The following EPHA8 variants were observed in gnomAD, a reference collection of about 807,000 sequenced individuals.
The protein encoded by EPHA8 is ephrin type-A receptor 8.
In EPHA8, 58 loss-of-function variants were observed where a neutral mutation model predicts 103.6. The ratio of observed to expected loss-of-function variants is 0.56; its 90% CI spans 0.45 to 0.70. EPHA8 has a LOEUF of 0.70. EPHA8 is among the 30% of genes least tolerant of loss of function. EPHA8 has a pLI of 0.00. For synonymous variants in EPHA8, 559 were observed against 572.5 expected (o/e 0.98, Z 0.34); for missense variants, 1,304 against 1,395.2 (o/e 0.93, Z 1.04).
chr1:22,574,457 C>T (rs1296466357), intron 2 of EPHA8, among the ~76,000 whole-genome samples: 1 of 152,234 alleles, frequency 6.6e-6, no homozygotes, highest in Non-Finnish European at 1.5e-5. Flanking sequence ...ACTCCACACC[C>T]TTAAACAGTA....
At chr1:22,587,403 G>A (rs979681974) in intron 4 of EPHA8, among the ~76,000 whole-genome samples, 37 of 152,324 alleles carry the variant, frequency 2.4e-4, no homozygotes, top group African/African-American at 1.7e-4. Flanking sequence ...GTGTGTGTGC[G>A]TGTGCACACC....
chr1:22,577,832 G>C (rs796854353), intron 3 of EPHA8, among the ~76,000 whole-genome samples: 7 of 136,432 alleles, frequency 5.1e-5, no homozygotes, highest in Admixed American at 2.1e-4. Context: ...GCATGTGTGC[G>C]TGTGTGCATG....
Position 22,589,412 on chromosome 1 carries a change from T to C in EPHA8, c.1315+206T>C, listed in dbSNP as rs749227683. 6.7e-7 allele frequency: 1 copy of C among 1,503,314 alleles called. No homozygotes were observed. The highest frequency in any genetic ancestry group is 8.8e-7 in the Non-Finnish European group (1 of 1,133,066). 93.1% of individuals were successfully genotyped at this position (1,503,314 alleles called of 1,614,324 possible). ...GAACACATTCTATAAGTAAGAGAAA[T>C]CCCAAAAGCTCAGAGGCAGGCTAGT... On this transcript the variant is annotated intron_variant, in intron 5 of 16. Coordinates refer to ENST00000166244, the MANE Select transcript of EPHA8 (RefSeq NM_020526.5). The surrounding 1 kb of genome is among the most constrained non-coding windows in gnomAD (Gnocchi z 4.3).
rs765845041 is a variant in EPHA8, at chr1:22,597,512, G to GGGGCAAGGTGGGGGCACCCA, written c.1930+62_1930+81dup. On this transcript the variant is annotated intron_variant, in intron 10 of 16. Coordinates refer to ENST00000166244, the MANE Select transcript of EPHA8 (RefSeq NM_020526.5). This position sits in a 1 kb window ranked among gnomAD's most constrained non-coding sequence, Gnocchi z 4.6. Reference sequence around the variant, plus strand: ...GGGGTTGTGAGGGCGGGGCCAGCATGGGGCAAGGTGGGGGCACCCAGGGCA... The same window carrying GGGGCAAGGTGGGGGCACCCA: ...GGGGTTGTGAGGGCGGGGCCAGCATGGGGCAAGGTGGGGGCACCCAGGGCAAGGTGGGGGCACCCAGGGCA... 4.4e-6 allele frequency: 7 copies of GGGGCAAGGTGGGGGCACCCA among 1,598,276 alleles called. No homozygotes were observed. The highest frequency in any genetic ancestry group is 1.7e-5 in the Admixed American group (1 of 59,040).
intron 3 of EPHA8, among the ~76,000 whole-genome samples, chr1:22,585,050 T>TGTGTGTGC (rs71020436): frequency 3.8e-4 from 36 of 93,520 alleles, no homozygotes; most frequent in African/African-American, 1.9e-3. Flanking sequence ...TGTGTGTGTG[T>TGTGTGTGC]GCGCACGCGT....
chr1:22,590,769 A>G (rs1641350827), intron 5 of EPHA8, among the ~76,000 whole-genome samples: 1 of 152,002 alleles, frequency 6.6e-6, no homozygotes, highest in Non-Finnish European at 1.5e-5. Flanking sequence ...CTTTGTGCTA[A>G]CAACCCCCAA....
chr1:22,598,407 T>A lies in EPHA8; in HGVS notation c.2178+195T>A, dbSNP rs1641583982. On this transcript the variant is annotated intron_variant, in intron 12 of 16. Coordinates refer to ENST00000166244, the MANE Select transcript of EPHA8 (RefSeq NM_020526.5). This position sits in a 1 kb window ranked among gnomAD's most constrained non-coding sequence, Gnocchi z 5.1. Reference sequence around the variant, plus strand: ...CCTTTCGGCCCCCATTGCATGAAAGTCCCTCTGCTCCATGGGATCCTGCTG... The same window carrying A: ...CCTTTCGGCCCCCATTGCATGAAAGACCCTCTGCTCCATGGGATCCTGCTG... 6.6e-6 allele frequency among the ~76,000 whole-genome samples: 1 copy of A among 152,120 alleles called. No homozygotes were observed. The highest frequency in any genetic ancestry group is 2.4e-5 in the African/African-American group (1 of 41,414).
chr1:22,603,080 C>T lies in EPHA8; in HGVS notation c.*1339C>T, dbSNP rs1641784465. On this transcript the variant is annotated 3_prime_UTR_variant, in exon 17 of 17. Transcript: ENST00000166244. ...CACCCAGGGTGAGAAAGCCCCATCC[C>T]GGGGGCCGTTGGCAGGCAGGGAAGC... 2.6e-5 allele frequency: 4 copies of T among 152,480 alleles called. 1 individual carries two copies. In the South Asian group the frequency reaches 6.2e-4, roughly 24 times the overall value. The allele number at this position is 152,480 out of a possible 1,614,324, so 9.4% of individuals were successfully genotyped here. A position where few individuals can be genotyped will look rare whatever the true frequency, so the allele number is the denominator to read the frequency against.
intron 3 of EPHA8, among the ~76,000 whole-genome samples, chr1:22,579,272 A>C (rs1445055193): frequency 2.0e-5 from 3 of 148,458 alleles, no homozygotes; most frequent in Non-Finnish European, 4.5e-5. Flanking sequence ...TGCATGTGTC[A>C]GAGTGTATAT....
At chr1:22,573,303 G>A (rs936172782) in intron 2 of EPHA8, among the ~76,000 whole-genome samples, 1 of 152,178 alleles carries the variant, frequency 6.6e-6, no homozygotes, top group South Asian at 2.1e-4. Context: ...TTCGTCAAGG[G>A]CCTTCCCGTG....
At chr1:22,587,527 T>A (rs1641250889) in intron 4 of EPHA8, among the ~76,000 whole-genome samples, 1 of 152,166 alleles carries the variant, frequency 6.6e-6, no homozygotes, top group Non-Finnish European at 1.5e-5. Flanking sequence ...TGCGTGACTG[T>A]CCTACCTTCT....
At chr1:22,565,706 T>C (rs1002351555) in intron 1 of EPHA8, among the ~76,000 whole-genome samples, 10 of 151,894 alleles carry the variant, frequency 6.6e-5, no homozygotes, top group Admixed American at 2.0e-4. Context: ...AAAGCATGGG[T>C]CTGGGGAGGG....
chr1:22,579,482 GTGTA>G (rs1366745818), intron 3 of EPHA8, among the ~76,000 whole-genome samples: 1 of 151,788 alleles, frequency 6.6e-6, no homozygotes, highest in Non-Finnish European at 1.5e-5. Context: ...GTATACGTGA[GTGTA>G]TGTCTGCATG....
At chr1:22,592,932 G>A (rs1345373298) in intron 5 of EPHA8, among the ~76,000 whole-genome samples, 1 of 152,176 alleles carries the variant, frequency 6.6e-6, no homozygotes. Context: ...ACTGTCCCAG[G>A]TATGCCCTCC....
chr1:22,578,349 T>TATGTGTGCGTGC (rs1239256185), intron 3 of EPHA8, among the ~76,000 whole-genome samples: 1 of 147,472 alleles, frequency 6.8e-6, no homozygotes, highest in Non-Finnish European at 1.5e-5. Flanking sequence ...TGCATGTGTG[T>TATGTGTGCGTGC]ATGTGTGCGT....
chr1:22,580,815 G>A (rs1222640291), intron 3 of EPHA8, among the ~76,000 whole-genome samples: 3 of 152,234 alleles, frequency 2.0e-5, no homozygotes, highest in Non-Finnish European at 2.9e-5. Context: ...CTTACAGCTA[G>A]TGAGAGCTGG....
chr1:22,603,429 C>G lies in EPHA8; in HGVS notation c.*1688C>G, dbSNP rs531321852. ...CCCACTCTTACCCAATTTCTGGGCT[C>G]TGGATCCTCACAGTCATGGAGGCAC... On this transcript the variant is annotated 3_prime_UTR_variant, in exon 17 of 17. Coordinates refer to ENST00000166244, the MANE Select transcript of EPHA8 (RefSeq NM_020526.5). The G allele has an allele frequency of 1.3e-4, 20 of 152,548 alleles. No homozygotes were observed. The highest frequency in any genetic ancestry group is 4.6e-4 in the African/African-American group (19 of 41,486). 9.4% of individuals were successfully genotyped at this position (152,548 alleles called of 1,614,324 possible).
intron 3 of EPHA8, among the ~76,000 whole-genome samples, chr1:22,585,966 T>TC (rs562188511): frequency 1.5e-4 from 23 of 151,636 alleles, no homozygotes; most frequent in Admixed American, 2.6e-4. Flanking sequence ...TTACCAGGTG[T>TC]CCCCCCCCTT....
At chr1:22,600,122 GGAAGGAGA>G (rs1641672525) in intron 13 of EPHA8, among the ~76,000 whole-genome samples, 1 of 122,664 alleles carries the variant, frequency 8.2e-6, no homozygotes, top group Non-Finnish European at 1.7e-5. Context: ...AAGGAAGGAG[GGAAGGAGA>G]GAAGGAAGGA....
Sources: allele counts gnomAD v4.1 joint callset (sites outside exome capture counted in the v4.1 genomes callset), GRCh38; gene constraint gnomAD v4.1.1; non-coding constraint Gnocchi (gnomAD v3.1); transcripts MANE v1.5; gene names NCBI Gene and HGNC (gene_info 2026-07-23, HGNC 2026-07-21).